The following FRYL variants were observed in gnomAD, a reference collection of about 807,000 sequenced individuals.
FRYL encodes FRY like transcription coactivator.
In FRYL, 150 loss-of-function variants were observed where a neutral mutation model predicts 351.2. The ratio of observed to expected loss-of-function variants is 0.43; its 90% CI spans 0.37 to 0.49. FRYL has a LOEUF of 0.49. Among genes scored for constraint, FRYL ranks in the 20% least tolerant of loss-of-function variants. The pLI, the probability that FRYL is intolerant of heterozygous loss-of-function variation, is 0.00. For synonymous variants in FRYL, 1,153 were observed against 1,257.1 expected (o/e 0.92, Z 1.75); for missense variants, 3,036 against 3,619.3 (o/e 0.84, Z 4.13).
rs563495945 is a variant in FRYL at position 48,737,423 on chromosome 4, T to C, written c.-383-26725A>G. On this transcript the variant is annotated intron_variant, in intron 1 of 63. Transcript: ENST00000358350. Reference sequence around the variant, plus strand: ...CCTTGAAAGCCATAATCTACCAAAATTCACACAAGAAGAAATAGGCAATCT... The same window carrying C: ...CCTTGAAAGCCATAATCTACCAAAACTCACACAAGAAGAAATAGGCAATCT... Among the ~76,000 whole-genome samples, 4 of 152,266 alleles carry C rather than the reference T, an allele frequency of 2.6e-5. No homozygotes were observed. In the East Asian group the frequency reaches 7.7e-4, roughly 29 times the overall value.
intron 1 of FRYL, among the ~76,000 whole-genome samples, chr4:48,758,030 C>G (rs1262990635): frequency 6.6e-6 from 1 of 152,248 alleles, no homozygotes; most frequent in Middle Eastern, 3.4e-3. Context: ...ACTGGCTAAC[C>G]ATATGTAGAA....
Position 48,710,652 on chromosome 4 carries a change from TAGTG to T in FRYL, c.-341_-338del, listed in dbSNP as rs1767896851. On this transcript the variant is annotated 5_prime_UTR_variant, in exon 2 of 64. Transcript: ENST00000358350. ...GAGTGGGCACACTGGTACAAAGCAGTAGTGAGTGAGTCACCGTGTGTGAAGCAGA... is the reference window on the plus strand; with the variant it reads ...GAGTGGGCACACTGGTACAAAGCAGTAGTGAGTCACCGTGTGTGAAGCAGA... The T allele has an allele frequency of 5.0e-6, 2 of 398,402 alleles. No homozygotes were observed. The highest frequency in any genetic ancestry group is 4.4e-6 in the Non-Finnish European group (1 of 226,028). The allele number at this position is 398,402 out of a possible 1,614,324, so 24.7% of individuals were successfully genotyped here.
At position 48,570,908 on chromosome 4, in the gene FRYL, CG is replaced by C; in HGVS notation, c.2914del (p.Arg972GlyfsTer48). The C allele has an allele frequency of 6.2e-7, 1 of 1,612,448 alleles. No homozygotes were observed. Among genetic ancestry groups the C allele is most frequent in the Non-Finnish European group, 8.5e-7 (1 of 1,178,630 alleles). On this transcript the variant is annotated frameshift_variant, in exon 27 of 64. Transcript: ENST00000358350. LOFTEE classifies it high-confidence loss of function. ...TCGTAAAATGTCTCGACGCCTGCGC[CG>C]TTTCATATTCTATTCCAAAGATACA... ...ALERRPENMK[R>X]RRRRDILRVQ...
Position 48,499,314 on chromosome 4 carries a change from T to C in FRYL, c.*108A>G. 4 of 926,022 alleles carry C rather than the reference T, an allele frequency of 4.3e-6. No individual in the cohort carries two copies. Among genetic ancestry groups the C allele is most frequent in the Non-Finnish European group, 5.0e-6 (3 of 597,168 alleles). 57.4% of individuals were successfully genotyped at this position (926,022 alleles called of 1,614,324 possible). ...GTTTGACATTAGTTACACTAAAAAG[T>C]AGATGCTGCCAGAAAGTTATCAGTG... On this transcript the variant is annotated 3_prime_UTR_variant, in exon 64 of 64. Coordinates refer to ENST00000358350, the MANE Select transcript of FRYL (RefSeq NM_015030.2).
intron 4 of FRYL, among the ~76,000 whole-genome samples, chr4:48,629,173 A>G (rs901803822): frequency 6.6e-6 from 1 of 152,068 alleles, no homozygotes; most frequent in Non-Finnish European, 1.5e-5. Flanking sequence ...ACCAACAGCA[A>G]TATGTAGCTT....
intron 11 of FRYL, among the ~76,000 whole-genome samples, chr4:48,604,145 G>A (rs1445423082): frequency 6.6e-6 from 1 of 152,082 alleles, no homozygotes; most frequent in African/African-American, 2.4e-5. Flanking sequence ...ACGGTACTAG[G>A]GAGTCTTTCC....
rs1013434968 is a variant in FRYL at position 48,744,586 on chromosome 4, A to C, written c.-383-33888T>G. 3.9e-4 allele frequency among the ~76,000 whole-genome samples: 60 copies of C among 152,246 alleles called. 1 individual carries two copies. Among genetic ancestry groups the C allele is most frequent in the East Asian group, 1.9e-4 (1 of 5,202 alleles). ...TAAATCAAAGGCAGCAAAGCAGTTA[A>C]ATAAATCCTGTGACATCTGAGAGAT... On this transcript the variant is annotated intron_variant, in intron 1 of 63. Coordinates refer to ENST00000358350, the MANE Select transcript of FRYL (RefSeq NM_015030.2).
chr4:48,727,325 A>C (rs1447854763), intron 1 of FRYL: 1 of 152,176 alleles, frequency 6.6e-6, no homozygotes, highest in East Asian at 1.9e-4. Flanking sequence ...AACAACAACA[A>C]CTAATCTTAG....
At chr4:48,552,911 CTTCTA>C (rs1332564793) in intron 36 of FRYL, among the ~76,000 whole-genome samples, 1 of 151,880 alleles carries the variant, frequency 6.6e-6, no homozygotes, top group East Asian at 1.9e-4. Flanking sequence ...ATTGGATGTT[CTTCTA>C]TTAGGAACAT....
chr4:48,498,484 G>A lies in FRYL; in HGVS notation c.*938C>T, dbSNP rs975093836. On this transcript the variant is annotated 3_prime_UTR_variant, in exon 64 of 64. Transcript: ENST00000358350. ...AGTTAAAACTTTTCTAATGAGAATA[G>A]CTGACAGGCAGCATACATCTTTATT... 3 of 152,718 alleles carry A rather than the reference G, an allele frequency of 2.0e-5. No homozygotes were observed. Among genetic ancestry groups the A allele is most frequent in the Non-Finnish European group, 4.4e-5 (3 of 68,026 alleles). The allele number at this position is 152,718 out of a possible 1,614,324, so 9.5% of individuals were successfully genotyped here. A position where few individuals can be genotyped will look rare whatever the true frequency, so the allele number is the denominator to read the frequency against.
At position 48,654,195 on chromosome 4, in the gene FRYL, T is replaced by G. The variant is rs1758308438; in HGVS notation, c.-80-19705A>C. ...CAGACAAGGGTAAGAAGCTCTGCCC[T>G]TGGGTACCAACTTTTCTCACTAAGA... On this transcript the variant is annotated intron_variant, in intron 3 of 63. Transcript: ENST00000358350. Among the ~76,000 whole-genome samples the G allele has an allele frequency of 2.6e-5, 4 of 151,914 alleles. 1 individual carries two copies. The South Asian group carries it at 8.3e-4, about 32-fold the overall frequency.
chr4:48,636,774 TTAG>T (rs1042665475), intron 3 of FRYL: 7 of 152,054 alleles, frequency 4.6e-5, no homozygotes, highest in Admixed American at 2.6e-4. Context: ...ATTTTATTTC[TTAG>T]TAGGTGTTTA....
chr4:48,735,338 T>A (rs1380972565), intron 1 of FRYL, among the ~76,000 whole-genome samples: 1 of 7,156 alleles, frequency 1.4e-4, no homozygotes, highest in African/African-American at 5.6e-4. Context: ...CTGGAGAGGA[T>A]GTGGAGAAAT....
chr4:48,780,240 G>A lies in FRYL; in HGVS notation c.-546C>T, dbSNP rs764962299. ...CTCCCTCCGACTCTGATTTTAACCG[G>A]ATTTCTCTCTCGCTCTCTCCCAGAG... On this transcript the variant is annotated 5_prime_UTR_variant, in exon 1 of 64. Coordinates refer to ENST00000358350, the MANE Select transcript of FRYL (RefSeq NM_015030.2). The A allele has an allele frequency of 3.0e-3, 458 of 152,766 alleles. 2 individuals carry two copies. The highest frequency in any genetic ancestry group is 3.2e-3 in the Non-Finnish European group (221 of 68,234). The allele number at this position is 152,766 out of a possible 1,614,324, so 9.5% of individuals were successfully genotyped here. A position where few individuals can be genotyped will look rare whatever the true frequency, so the allele number is the denominator to read the frequency against.
At chr4:48,616,314 T>C (rs764279573) in intron 7 of FRYL, among the ~76,000 whole-genome samples, 1 of 152,056 alleles carries the variant, frequency 6.6e-6, no homozygotes, top group Non-Finnish European at 1.5e-5. Context: ...AAATTTGGAG[T>C]AAAATCAATG....
rs188496035 is a variant in FRYL at position 48,522,760 on chromosome 4, C to T, written c.7521+141G>A. ...TTTAGTGCTGTCATGAATAACAACA[C>T]GGTACTCCATTAGTGTTGCAATCTT... On this transcript the variant is annotated intron_variant, in intron 54 of 63. Coordinates refer to ENST00000358350, the MANE Select transcript of FRYL (RefSeq NM_015030.2). 4.3e-4 allele frequency: 311 copies of T among 726,506 alleles called. 2 individuals are homozygous for T. In the Admixed American group the frequency reaches 5.1e-3, roughly 12 times the overall value. 45.0% of individuals were successfully genotyped at this position (726,506 alleles called of 1,614,324 possible). A position where few individuals can be genotyped will look rare whatever the true frequency, so the allele number is the denominator to read the frequency against.
intron 41 of FRYL, among the ~76,000 whole-genome samples, chr4:48,547,084 TAAGAA>T (rs1393469356): frequency 6.6e-6 from 1 of 152,130 alleles, no homozygotes; most frequent in Non-Finnish European, 1.5e-5. Context: ...TTATAGGATA[TAAGAA>T]AATATACCTT....
At chr4:48,737,047 A>AAGAG (rs1771511760) in intron 1 of FRYL, among the ~76,000 whole-genome samples, 1 of 151,800 alleles carries the variant, frequency 6.6e-6, no homozygotes. Flanking sequence ...TGGGAGGCTG[A>AAGAG]GGCAGGCGGA....
At chr4:48,659,027 A>C (rs1177150426) in intron 3 of FRYL, among the ~76,000 whole-genome samples, 1 of 152,122 alleles carries the variant, frequency 6.6e-6, no homozygotes, top group Non-Finnish European at 1.5e-5. Context: ...TCTTCAAAAA[A>C]TGTTTTAACA....
Sources: gnomAD v4.1 joint callset for allele counts (sites outside exome capture counted in the v4.1 genomes callset) on GRCh38, gnomAD v4.1.1 for gene constraint, MANE v1.5 for transcripts, NCBI Gene and HGNC (gene_info 2026-07-23, HGNC 2026-07-21) for gene names.